The following INTU variants were observed in gnomAD, a reference collection of about 807,000 sequenced individuals.
INTU encodes the protein protein inturned.
Under a neutral mutation model 100.5 loss-of-function variants are expected in INTU, and 68 were observed. The ratio of observed to expected loss-of-function variants is 0.68; its 90% CI spans 0.56 to 0.83. The LOEUF is 0.83. Among genes scored for constraint, INTU ranks in the 40% least tolerant of loss-of-function variants. The pLI, the probability that INTU is intolerant of heterozygous loss-of-function variation, is 0.00. For synonymous variants in INTU, 357 were observed against 395.7 expected (o/e 0.90, Z 1.16); for missense variants, 1,071 against 1,114.7 (o/e 0.96, Z 0.56).
intron 2 of INTU, among the ~76,000 whole-genome samples, chr4:127,655,830 C>T (rs1247111216): frequency 1.6e-4 from 24 of 152,226 alleles, no homozygotes; most frequent in East Asian, 9.7e-4. Flanking sequence ...GCCTCGCTGC[C>T]GCCTTGCAGT....
In INTU at chr4:127,714,062, GC is replaced by G; in HGVS notation, c.2687del (p.Ala896AspfsTer9). The G allele has an allele frequency of 6.2e-7, 1 of 1,613,250 alleles. No homozygotes were observed. Among genetic ancestry groups the G allele is most frequent in the Non-Finnish European group, 8.5e-7 (1 of 1,179,710 alleles). ...TGGAAACTGGACTGATCAGAAAAAA[GC>G]ACCACCAGTTATGGCTTACTGGGTA... The part of the protein sequence containing the change: ...SPGNWTDQKK[A>X]PPVMAYWVVG... On this transcript the variant is annotated frameshift_variant, in exon 15 of 16. Coordinates refer to ENST00000335251, the MANE Select transcript of INTU (RefSeq NM_015693.4). LOFTEE classifies it high-confidence loss of function.
chr4:127,640,652 A>G (rs1182579243), intron 1 of INTU, among the ~76,000 whole-genome samples: 1 of 146,114 alleles, frequency 6.8e-6, no homozygotes, highest in Non-Finnish European at 1.5e-5. Flanking sequence ...TGGAAAAACA[A>G]GAACTGAACA....
chr4:127,654,245 G>A (rs546933251), intron 2 of INTU, among the ~76,000 whole-genome samples: 1 of 152,160 alleles, frequency 6.6e-6, no homozygotes, highest in South Asian at 2.1e-4. Context: ...ATTGTTATGT[G>A]TGAATTTGAT....
chr4:127,705,516 GA>G, intron 10 of INTU, 74 bp from the exon 11 acceptor site: 1 of 1,102,082 alleles, frequency 9.1e-7, no homozygotes, highest in Non-Finnish European at 1.4e-6. Flanking sequence ...AAGTGTCTAT[GA>G]AACTCTTAGA....
intron 13 of INTU, among the ~76,000 whole-genome samples, chr4:127,709,164 T>G (rs1056732475): frequency 6.6e-6 from 1 of 152,166 alleles, no homozygotes; most frequent in African/African-American, 2.4e-5. Flanking sequence ...GGAGCCCATT[T>G]CTAATGACTA....
At chr4:127,681,562 G>A (rs1045684128) in intron 6 of INTU, among the ~76,000 whole-genome samples, 2 of 152,188 alleles carry the variant, frequency 1.3e-5, no homozygotes, top group South Asian at 4.1e-4. Context: ...GTAGAAAGCT[G>A]AAACTGGATC....
At chr4:127,681,063 T>G (rs2126223209) in intron 6 of INTU, among the ~76,000 whole-genome samples, 2 of 151,904 alleles carry the variant, frequency 1.3e-5, no homozygotes, top group South Asian at 2.1e-4. Context: ...AAGGACCTCT[T>G]CAAGGAGAAC....
chr4:127,681,579 T>A (rs1010973531), intron 6 of INTU, among the ~76,000 whole-genome samples: 8 of 152,194 alleles, frequency 5.3e-5, no homozygotes, highest in Non-Finnish European at 1.2e-4. Context: ...GATCGCTTCC[T>A]TACACCTTAT....
At chr4:127,651,257 C>T (rs562317544) in intron 2 of INTU, among the ~76,000 whole-genome samples, 5 of 152,042 alleles carry the variant, frequency 3.3e-5, no homozygotes, top group Non-Finnish European at 7.4e-5. Context: ...CTTTTGTTGC[C>T]ATTGCTTTTG....
chr4:127,707,779 T>A (rs1223350191), intron 12 of INTU, among the ~76,000 whole-genome samples: 1 of 152,178 alleles, frequency 6.6e-6, no homozygotes, highest in East Asian at 1.9e-4. Flanking sequence ...TTTTTCCTAA[T>A]TTTTTCCCAT....
At position 127,681,304 on chromosome 4, in the gene INTU, A is replaced by T. The variant is rs1375459597; in HGVS notation, c.1182-3105A>T. 2.6e-5 allele frequency among the ~76,000 whole-genome samples: 4 copies of T among 152,104 alleles called. No homozygotes were observed. In the East Asian group the frequency reaches 5.8e-4, roughly 22 times the overall value. On this transcript the variant is annotated intron_variant, in intron 6 of 15. Coordinates refer to ENST00000335251, the MANE Select transcript of INTU (RefSeq NM_015693.4). Reference sequence around the variant, plus strand: ...GAGGCCGCATCGCCAAGTCAATCCTAAGCCAAAAGAACAAAGCTGGAGGCA... The same window carrying T: ...GAGGCCGCATCGCCAAGTCAATCCTTAGCCAAAAGAACAAAGCTGGAGGCA...
intron 2 of INTU, among the ~76,000 whole-genome samples, chr4:127,651,210 C>G (rs1025978138): frequency 6.6e-6 from 1 of 152,000 alleles, no homozygotes; most frequent in Non-Finnish European, 1.5e-5. Context: ...TGTGCAGAAG[C>G]TCTTTAGTTT....
chr4:127,714,150 G>T, intron 15 of INTU, 57 bp downstream of exon 15: 1 of 1,398,152 alleles, frequency 7.2e-7, no homozygotes, highest in South Asian at 1.3e-5. Context: ...AAAGAAAAGT[G>T]GTAAAGGAGA....
intron 2 of INTU, among the ~76,000 whole-genome samples, chr4:127,653,892 G>A (rs1323762277): frequency 6.6e-6 from 1 of 151,834 alleles, no homozygotes; most frequent in Non-Finnish European, 1.5e-5. Context: ...CTTGCTTTAT[G>A]AATCTGGGTG....
chr4:127,674,009 C>T, intron 5 of INTU, 115 bp from the exon 6 acceptor site: 1 of 525,492 alleles, frequency 1.9e-6, no homozygotes. Context: ...AAAGAAATCA[C>T]TTATTAAGTA....
intron 6 of INTU, among the ~76,000 whole-genome samples, chr4:127,677,944 C>T (rs368465375): frequency 1.8e-4 from 27 of 152,108 alleles, no homozygotes; most frequent in African/African-American, 5.8e-4. Flanking sequence ...TCGAGAACTA[C>T]GTGAAGAATG....
At chr4:127,650,335 C>T (rs1727788924) in intron 2 of INTU, among the ~76,000 whole-genome samples, 1 of 151,012 alleles carries the variant, frequency 6.6e-6, no homozygotes, top group Admixed American at 6.6e-5. Context: ...AACTCATCAT[C>T]TAGCATTAGG....
intron 2 of INTU, among the ~76,000 whole-genome samples, chr4:127,644,932 T>C (rs1256238959): frequency 3.3e-5 from 5 of 152,260 alleles, no homozygotes; most frequent in Non-Finnish European, 5.9e-5. Flanking sequence ...TAGCATCTGC[T>C]AAGTGCCAGG....
chr4:127,692,708 T>A (rs4308375), intron 8 of INTU, among the ~76,000 whole-genome samples: 149,912 of 152,320 alleles, frequency 0.98, 73,816 homozygotes, highest in East Asian at 1. Context: ...TAGAATCTTT[T>A]TGGTTTCACA....
Sources: gnomAD v4.1 joint callset for allele counts (sites outside exome capture counted in the v4.1 genomes callset) on GRCh38, gnomAD v4.1.1 for gene constraint, MANE v1.5 for transcripts, NCBI Gene and HGNC (gene_info 2026-07-23, HGNC 2026-07-21) for gene names.